The following MLLT3 variants were observed in gnomAD, a reference collection of about 807,000 sequenced individuals.
MLLT3 encodes the protein protein AF-9.
MLLT3 carries 4 observed loss-of-function variants against 53.2 expected under a neutral mutation model. That is an observed-to-expected ratio of 0.08 (90% CI 0.04 to 0.17). The LOEUF is 0.17. MLLT3 is among the 10% of genes least tolerant of loss of function. MLLT3 has a pLI of 1.00. For missense variants in MLLT3, 569 were observed against 684.0 expected (o/e 0.83, Z 1.87); for synonymous variants, 283 against 230.6 (o/e 1.23, Z -2.06).
chr9:20,524,584 C>G (rs1818151446), intron 2 of MLLT3, among the ~76,000 whole-genome samples: 1 of 152,068 alleles, frequency 6.6e-6, no homozygotes, highest in African/African-American at 2.4e-5. Context: ...ACTCAAACTC[C>G]TGGGCTCTAG....
intron 4 of MLLT3, among the ~76,000 whole-genome samples, chr9:20,445,419 G>GA (rs1000534879): frequency 6.6e-6 from 1 of 151,816 alleles, no homozygotes; most frequent in Non-Finnish European, 1.5e-5. Context: ...AAAATCCAGT[G>GA]AAAAAAACAG....
intron 10 of MLLT3, among the ~76,000 whole-genome samples, chr9:20,349,347 G>A (rs1274118552): frequency 6.6e-6 from 1 of 152,048 alleles, no homozygotes; most frequent in Non-Finnish European, 1.5e-5. Flanking sequence ...CCTAAGTCAG[G>A]ATAACATGAT....
chr9:20,528,966 A>G (rs1044116438), intron 2 of MLLT3, among the ~76,000 whole-genome samples: 4 of 152,216 alleles, frequency 2.6e-5, no homozygotes, highest in Non-Finnish European at 5.9e-5. Flanking sequence ...GTACTGTATG[A>G]AAGTTCAGAG....
intron 2 of MLLT3, among the ~76,000 whole-genome samples, chr9:20,524,702 A>G (rs1818154437): frequency 6.6e-6 from 1 of 152,100 alleles, no homozygotes; most frequent in South Asian, 2.1e-4. Context: ...AAATATCTCA[A>G]GTGTGATTAT....
intron 2 of MLLT3, among the ~76,000 whole-genome samples, chr9:20,474,810 T>C (rs1160897737): frequency 6.6e-6 from 1 of 152,030 alleles, no homozygotes; most frequent in African/African-American, 2.4e-5. Flanking sequence ...ACACACTCTT[T>C]TGCAAAAAAT....
rs184615817 is a variant in MLLT3, at chr9:20,578,540, G to T, written c.193+42114C>A. 2.0e-5 allele frequency among the ~76,000 whole-genome samples: 3 copies of T among 151,898 alleles called. No individual in the cohort carries two copies. In the South Asian group the frequency reaches 6.2e-4, roughly 31 times the overall value. ...AAAAAGAAAAAGAAAAAGAAGAGAA[G>T]ATGGGAAACATATCAAATAAAGAAT... On this transcript the variant is annotated intron_variant, in intron 2 of 10. Transcript: ENST00000380338.
At position 20,379,598 on chromosome 9, in the gene MLLT3, A is replaced by C. The variant is rs117806469; in HGVS notation, c.1126-13854T>G. Among the ~76,000 whole-genome samples the C allele has an allele frequency of 3.7e-4, 56 of 152,202 alleles. 1 individual carries two copies. In the East Asian group the frequency reaches 7.9e-3, roughly 21 times the overall value. On this transcript the variant is annotated intron_variant, in intron 5 of 10. Coordinates refer to ENST00000380338, the MANE Select transcript of MLLT3 (RefSeq NM_004529.4). ...AACATTCCTCTGTTTTTATTTACTT[A>C]ATTTTTCCCCTTAGGGAGAAATATT...
At chr9:20,393,795 TAA>T (rs773182030) in intron 5 of MLLT3, among the ~76,000 whole-genome samples, 1 of 152,136 alleles carries the variant, frequency 6.6e-6, no homozygotes, top group Non-Finnish European at 1.5e-5. Flanking sequence ...CAAGAACAGG[TAA>T]AACTATTTTA....
chr9:20,407,341 A>G lies in MLLT3; in HGVS notation c.1125+6380T>C, dbSNP rs192212925. Among the ~76,000 whole-genome samples, 462 of 152,300 alleles carry G rather than the reference A, an allele frequency of 3.0e-3. 7 individuals carry two copies. Among genetic ancestry groups the G allele is most frequent in the Admixed American group, 0.028 (435 of 15,286 alleles). On this transcript the variant is annotated intron_variant, in intron 5 of 10. Transcript: ENST00000380338. ...TATAGTATAATAAGGTGCAATCTAG[A>G]CCCAAGAGAGTCAGTTTTATTTTAA...
chr9:20,576,143 A>T (rs1819646839), intron 2 of MLLT3, among the ~76,000 whole-genome samples: 1 of 152,166 alleles, frequency 6.6e-6, no homozygotes, highest in Non-Finnish European at 1.5e-5. Flanking sequence ...AAACCCCATA[A>T]AACAACCTCC....
chr9:20,475,165 G>C (rs1824489084), intron 2 of MLLT3, among the ~76,000 whole-genome samples: 1 of 152,064 alleles, frequency 6.6e-6, no homozygotes, highest in Non-Finnish European at 1.5e-5. Flanking sequence ...AAGGCTCAAG[G>C]TGAAGTTATT....
chr9:20,415,085 A>G (rs1822838201), intron 4 of MLLT3, among the ~76,000 whole-genome samples: 1 of 152,178 alleles, frequency 6.6e-6, no homozygotes, highest in African/African-American at 2.4e-5. Flanking sequence ...TAAATTTCAA[A>G]TGGCTTTGCA....
intron 5 of MLLT3, among the ~76,000 whole-genome samples, chr9:20,392,920 C>G (rs1226570213): frequency 6.6e-6 from 1 of 152,134 alleles, no homozygotes; most frequent in Non-Finnish European, 1.5e-5. Context: ...CTTTGGGAGG[C>G]CAAAGCGGGT....
At chr9:20,484,762 T>C (rs866466752) in intron 2 of MLLT3, among the ~76,000 whole-genome samples, 2 of 152,158 alleles carry the variant, frequency 1.3e-5, no homozygotes, top group Non-Finnish European at 1.5e-5. Flanking sequence ...GTGCCTAATA[T>C]GGTGCTTAAC....
rs965518949 is a variant in MLLT3 at position 20,478,128 on chromosome 9, G to A, written c.194-21342C>T. On this transcript the variant is annotated intron_variant, in intron 2 of 10. Coordinates refer to ENST00000380338, the MANE Select transcript of MLLT3 (RefSeq NM_004529.4). Reference sequence around the variant, plus strand: ...TTCAGGCATGACAAGAACTTGGGTAGATCCTTTGCAACTGCTTGGTGATCA... The same window carrying A: ...TTCAGGCATGACAAGAACTTGGGTAAATCCTTTGCAACTGCTTGGTGATCA... Among the ~76,000 whole-genome samples the A allele has an allele frequency of 3.3e-5, 5 of 151,836 alleles. No homozygotes were observed. The South Asian group carries it at 1.0e-3, about 31-fold the overall frequency.
At chr9:20,440,074 T>G (rs1209272002) in intron 4 of MLLT3, among the ~76,000 whole-genome samples, 1 of 152,194 alleles carries the variant, frequency 6.6e-6, no homozygotes, top group African/African-American at 2.4e-5. Context: ...AAAAAAGTCA[T>G]GTCAATAAAT....
In MLLT3 at chr9:20,414,049, T is replaced by C; in HGVS notation, c.797A>G (p.Asp266Gly). 3 of 1,614,174 alleles carry C rather than the reference T, an allele frequency of 1.9e-6. No homozygotes were observed. Among genetic ancestry groups the C allele is most frequent in the East Asian group, 2.2e-5 (1 of 44,886 alleles). The change falls in exon 5 of 11, where the codon GAT (aspartate) becomes GGT (glycine). Residue 266 changes from aspartate (D) to glycine (G), a missense_variant. Transcript: ENST00000380338. ...ACTGGTGATGGTGAGTAAGTTACTATCTGGTTTTGGCTCTTTTGACATGGG... is the reference window on the plus strand; with the variant it reads ...ACTGGTGATGGTGAGTAAGTTACTACCTGGTTTTGGCTCTTTTGACATGGG... Reference protein sequence around the residue: ...PKPMSKEPKPDSNLLTITSGQ... With the variant: ...PKPMSKEPKPGSNLLTITSGQ...
chr9:20,413,824 T>G lies in MLLT3; in HGVS notation c.1022A>C (p.Glu341Ala). ...TTTCTTCTTCTCTGATGTCTCACTT[T>G]CAATTTTGACCTTTCCCATCTTGAC... ...SHVKMGKVKI[E>A]SETSEKKKST... The change falls in exon 5 of 11, where the codon GAA becomes GCA. Residue 341 changes from glutamate to alanine, a missense_variant. By Grantham distance (107) the Glu-to-Ala change is moderately radical. Transcript: ENST00000380338. 6.2e-7 allele frequency: 1 copy of G among 1,614,102 alleles called. No homozygotes were observed. Among genetic ancestry groups the G allele is most frequent in the Non-Finnish European group, 8.5e-7 (1 of 1,180,010 alleles).
intron 4 of MLLT3, among the ~76,000 whole-genome samples, chr9:20,433,686 C>A (rs1279721924): frequency 6.6e-6 from 1 of 152,070 alleles, no homozygotes; most frequent in African/African-American, 2.4e-5. Context: ...TACTAAATAA[C>A]TGGCCTGAAG....
Sources: allele counts gnomAD v4.1 joint callset (sites outside exome capture counted in the v4.1 genomes callset), GRCh38; gene constraint gnomAD v4.1.1; transcripts MANE v1.5; gene names NCBI Gene and HGNC (gene_info 2026-07-23, HGNC 2026-07-21).